Variants in MARCHF1 observed in about 807,000 individuals in gnomAD.
MARCHF1 encodes the protein membrane associated ring-CH-type finger 1.
In MARCHF1, 40 loss-of-function variants were observed where a neutral mutation model predicts 54.2. That is an observed-to-expected ratio of 0.74 (90% CI 0.57 to 0.96). The LOEUF (loss-of-function observed/expected upper bound fraction) is 0.96. Ranked by LOEUF, MARCHF1 falls within the 40% of genes least tolerant of loss-of-function variation. The pLI is 0.00. For missense variants in MARCHF1, 586 were observed against 656.5 expected, an observed-to-expected ratio of 0.89 and a Z score of 1.17; for synonymous variants, 236 against 236.3, an observed-to-expected ratio of 1.00 and a Z score of 0.01.
At chr4:164,057,374 T>TA (rs1350965431) in intron 2 of MARCHF1, among the ~76,000 whole-genome samples, 2 of 152,348 alleles carry the variant, frequency 1.3e-5, no homozygotes, top group East Asian at 3.9e-4. Flanking sequence ...TTCTTCCTCT[T>TA]ATTCTTGGTA....
At chr4:163,732,416 T>C (rs909515416) in intron 4 of MARCHF1, among the ~76,000 whole-genome samples, 1 of 152,062 alleles carries the variant, frequency 6.6e-6, no homozygotes, top group Non-Finnish European at 1.5e-5. Context: ...AGCAGCCAAT[T>C]ATATATGTAA....
At chr4:163,986,819 A>C (rs1752879702) in intron 3 of MARCHF1, among the ~76,000 whole-genome samples, 1 of 152,176 alleles carries the variant, frequency 6.6e-6, no homozygotes, top group Non-Finnish European at 1.5e-5. Context: ...AAGCCATCTC[A>C]ATTTATCTAA....
intron 1 of MARCHF1, among the ~76,000 whole-genome samples, chr4:164,276,490 G>A (rs1321042009): frequency 6.6e-6 from 1 of 151,670 alleles, no homozygotes; most frequent in Non-Finnish European, 1.5e-5. Context: ...ATGCATGTGT[G>A]TACATGTGCA....
intron 2 of MARCHF1, among the ~76,000 whole-genome samples, chr4:164,017,194 A>C (rs1481079512): frequency 6.6e-6 from 1 of 152,066 alleles, no homozygotes; most frequent in Non-Finnish European, 1.5e-5. Context: ...GATATTTAGG[A>C]TATTTATGAA....
chr4:164,094,128 G>A (rs555631007), intron 2 of MARCHF1, among the ~76,000 whole-genome samples: 39 of 152,194 alleles, frequency 2.6e-4, no homozygotes, highest in Admixed American at 1.1e-3. Flanking sequence ...TCTGTCTGCT[G>A]TGCAGGACAT....
intron 1 of MARCHF1, among the ~76,000 whole-genome samples, chr4:164,122,180 A>G (rs1756082352): frequency 6.6e-6 from 1 of 152,168 alleles, no homozygotes. Flanking sequence ...ACTGGGGATA[A>G]AAGGAACATG....
chr4:163,648,656 A>G (rs1353312988), intron 5 of MARCHF1, among the ~76,000 whole-genome samples: 32 of 135,476 alleles, frequency 2.4e-4, no homozygotes, highest in Non-Finnish European at 4.3e-4. Context: ...ATGTTGTTGG[A>G]AAAAAAAAAA....
chr4:164,190,100 T>G, intron 1 of MARCHF1: 2 of 1,432,888 alleles, frequency 1.4e-6, no homozygotes, highest in Admixed American at 1.8e-5. Flanking sequence ...AGAATCAGAT[T>G]GGAGATAAAG....
intron 4 of MARCHF1, among the ~76,000 whole-genome samples, chr4:163,836,782 T>A (rs1170645332): frequency 6.7e-6 from 1 of 149,812 alleles, no homozygotes; most frequent in Non-Finnish European, 1.5e-5. Context: ...CAAAGAGCAC[T>A]GAGTCTGCTT....
At chr4:164,007,646 CTGTGTGTGTGTG>C (rs70948688) in intron 2 of MARCHF1, among the ~76,000 whole-genome samples, 67 of 140,014 alleles carry the variant, frequency 4.8e-4, no homozygotes, top group East Asian at 1.9e-3. Flanking sequence ...CTCTCTCTCT[CTGTGTGTGTGTG>C]TGTGTGTGTG....
chr4:163,880,121 T>C (rs1313722842), intron 3 of MARCHF1, among the ~76,000 whole-genome samples: 9 of 151,798 alleles, frequency 5.9e-5, no homozygotes, highest in Non-Finnish European at 8.8e-5. Flanking sequence ...AACTAAATAC[T>C]TTCAAAAATC....
At chr4:163,696,718 C>T (rs148303522) in intron 5 of MARCHF1, among the ~76,000 whole-genome samples, 1 of 152,252 alleles carries the variant, frequency 6.6e-6, no homozygotes, top group East Asian at 1.9e-4. Context: ...GGACTTATAA[C>T]CCTTTAAACA....
At chr4:163,632,815 C>T (rs950012749) in intron 5 of MARCHF1, among the ~76,000 whole-genome samples, 1 of 152,244 alleles carries the variant, frequency 6.6e-6, no homozygotes, top group African/African-American at 2.4e-5. Context: ...AACAAAAAGA[C>T]AGCAGTAACC....
intron 2 of MARCHF1, among the ~76,000 whole-genome samples, chr4:164,094,502 C>G (rs1474281725): frequency 6.6e-6 from 1 of 152,086 alleles, no homozygotes; most frequent in Admixed American, 6.6e-5. Flanking sequence ...GGACCTGCCT[C>G]CATTGCCATA....
At chr4:164,146,371 C>A (rs1729735168) in intron 1 of MARCHF1, among the ~76,000 whole-genome samples, 1 of 151,724 alleles carries the variant, frequency 6.6e-6, no homozygotes. Flanking sequence ...CCAAGTCAAT[C>A]CTGAACCAAA....
rs947003874 is a variant in MARCHF1 at position 164,231,162 on chromosome 4, T to C, written c.-322-119500A>G. On this transcript the variant is annotated intron_variant, in intron 1 of 9. Transcript: ENST00000514618. The stretch of plus-strand genomic sequence containing the variant: ...AATTCTGTCTCTACCAATAACTCTA[T>C]GTTGTTTTGATGAAGAAAGAAAAGG... Among the ~76,000 whole-genome samples the C allele has an allele frequency of 3.3e-5, 5 of 152,216 alleles. No individual in the cohort carries two copies. The South Asian group carries it at 6.2e-4, about 19-fold the overall frequency.
intron 5 of MARCHF1, among the ~76,000 whole-genome samples, chr4:163,647,709 A>G (rs1560996348): frequency 6.6e-6 from 1 of 151,884 alleles, no homozygotes; most frequent in Non-Finnish European, 1.5e-5. Flanking sequence ...GTCTTGAGAC[A>G]AATGAAAATA....
At chr4:164,338,899 G>C (rs1185452405) in intron 1 of MARCHF1, among the ~76,000 whole-genome samples, 1 of 152,036 alleles carries the variant, frequency 6.6e-6, no homozygotes, top group East Asian at 1.9e-4. Context: ...TTGAACCTGG[G>C]AGGCGGAGAT....
At chr4:164,207,068 A>T (rs1329356641) in intron 1 of MARCHF1, among the ~76,000 whole-genome samples, 1 of 152,134 alleles carries the variant, frequency 6.6e-6, no homozygotes, top group Non-Finnish European at 1.5e-5. Context: ...TATTGTATAA[A>T]CTCTTTTAAC....
Sources: allele counts gnomAD v4.1 joint callset (sites outside exome capture counted in the v4.1 genomes callset), GRCh38; gene constraint gnomAD v4.1.1; transcripts MANE v1.5; gene names NCBI Gene and HGNC (gene_info 2026-07-23, HGNC 2026-07-21).